CNTNAP2: variants seen among roughly 807,000 people sequenced by gnomAD.
CNTNAP2 encodes contactin-associated protein-like 2.
Under a neutral mutation model 155.2 loss-of-function variants are expected in CNTNAP2, and 98 were observed. That is an observed-to-expected ratio of 0.63 (90% CI 0.54 to 0.75). CNTNAP2 has a LOEUF of 0.75. Ranked by LOEUF, CNTNAP2 falls within the 30% of genes least tolerant of loss-of-function variation. CNTNAP2 has a pLI of 0.00. For missense variants in CNTNAP2, 1,727 were observed against 1,688.1 expected (o/e 1.02, Z -0.40); for synonymous variants, 651 against 631.2 (o/e 1.03, Z -0.47).
intron 9 of CNTNAP2, among the ~76,000 whole-genome samples, chr7:147,347,100 A>G (rs548902792): frequency 1.4e-4 from 22 of 152,266 alleles, no homozygotes; most frequent in Admixed American, 1.1e-3. Context: ...CTAGGGTAAA[A>G]TTATCTTATC....
At chr7:146,461,727 A>G (rs79835976) in intron 1 of CNTNAP2, among the ~76,000 whole-genome samples, 4,157 of 152,256 alleles carry the variant, frequency 0.027, 138 homozygotes, top group African/African-American at 0.073. Flanking sequence ...AATAGGATTC[A>G]GTACCTGTCT....
intron 13 of CNTNAP2, among the ~76,000 whole-genome samples, chr7:147,693,839 T>C (rs1043535706): frequency 6.6e-6 from 1 of 152,040 alleles, no homozygotes; most frequent in African/African-American, 2.4e-5. Flanking sequence ...TTTCTTTTAT[T>C]TTCTTGTCTT....
intron 3 of CNTNAP2, among the ~76,000 whole-genome samples, chr7:146,904,612 C>T (rs1422442860): frequency 6.6e-6 from 1 of 152,132 alleles, no homozygotes; most frequent in East Asian, 1.9e-4. Flanking sequence ...GCTGGGACTA[C>T]AGGCACCCGC....
chr7:147,311,970 A>G (rs1795135881), intron 9 of CNTNAP2, among the ~76,000 whole-genome samples: 1 of 151,990 alleles, frequency 6.6e-6, no homozygotes. Flanking sequence ...TAATTATTAA[A>G]TTTATTATTA....
intron 8 of CNTNAP2, among the ~76,000 whole-genome samples, chr7:147,296,741 A>G (rs545964581): frequency 6.6e-6 from 1 of 152,140 alleles, no homozygotes; most frequent in Admixed American, 6.5e-5. Context: ...AATAAATGCA[A>G]TCTGGGAGAG....
chr7:148,094,157 G>T lies in CNTNAP2; in HGVS notation c.2384-23961G>T, dbSNP rs987845620. On this transcript the variant is annotated intron_variant, in intron 15 of 23. Coordinates refer to ENST00000361727, the MANE Select transcript of CNTNAP2 (RefSeq NM_014141.6). ...GACTTTCTCTGAAGTCCCTCCTACT[G>T]CCCATGGGGACTTGAACAAGTTACT... Among the ~76,000 whole-genome samples, 6 of 152,290 alleles carry T rather than the reference G, an allele frequency of 3.9e-5. No homozygotes were observed. In the South Asian group the frequency reaches 1.2e-3, roughly 32 times the overall value.
chr7:146,856,073 A>G (rs1794975730), intron 3 of CNTNAP2, among the ~76,000 whole-genome samples: 1 of 70,514 alleles, frequency 1.4e-5, no homozygotes, highest in African/African-American at 9.9e-5. Context: ...GAAAGGAAAA[A>G]TGATGGTTAA....
At chr7:146,666,009 C>T (rs1281402733) in intron 1 of CNTNAP2, among the ~76,000 whole-genome samples, 12 of 151,698 alleles carry the variant, frequency 7.9e-5, no homozygotes, top group Admixed American at 7.2e-4. Flanking sequence ...ATTCAATATC[C>T]CCCTTTTAGC....
chr7:147,909,779 A>T (rs1226977230), intron 14 of CNTNAP2, among the ~76,000 whole-genome samples: 1 of 152,206 alleles, frequency 6.6e-6, no homozygotes, highest in Non-Finnish European at 1.5e-5. Flanking sequence ...ATTGCCATTC[A>T]TTGCGTGAGT....
At chr7:147,176,141 G>C (rs2116487745) in intron 8 of CNTNAP2, among the ~76,000 whole-genome samples, 1 of 152,296 alleles carries the variant, frequency 6.6e-6, no homozygotes, top group African/African-American at 2.4e-5. Context: ...TAATGATTCG[G>C]TTTAATGAGG....
At chr7:146,931,569 C>G (rs1169097102) in intron 3 of CNTNAP2, among the ~76,000 whole-genome samples, 1 of 150,354 alleles carries the variant, frequency 6.7e-6, no homozygotes, top group African/African-American at 2.5e-5. Flanking sequence ...TAGCAGAAGG[C>G]AAGAAATAAC....
intron 13 of CNTNAP2, among the ~76,000 whole-genome samples, chr7:147,860,688 A>G (rs1456651614): frequency 1.3e-5 from 2 of 151,562 alleles, no homozygotes; most frequent in Non-Finnish European, 2.9e-5. Flanking sequence ...TACTTCTGCC[A>G]TGACTGTAAA....
Position 147,402,056 on chromosome 7 carries a change from A to G in CNTNAP2, c.1670+6276A>G, listed in dbSNP as rs549823232. Among the ~76,000 whole-genome samples, 3 of 152,356 alleles carry G rather than the reference A, an allele frequency of 2.0e-5. No individual in the cohort carries two copies. The South Asian group carries it at 6.2e-4, about 32-fold the overall frequency. On this transcript the variant is annotated intron_variant, in intron 10 of 23. Transcript: ENST00000361727. ...TTCTAAAATTTGTCTTCATTCGCTA[A>G]TTCCCTATTTCTAGTCAGTAGCAGA... is the stretch of plus-strand genomic sequence containing the variant.
chr7:148,131,054 G>T (rs1419496682), intron 16 of CNTNAP2, among the ~76,000 whole-genome samples: 1 of 142,274 alleles, frequency 7.0e-6, no homozygotes, highest in African/African-American at 2.6e-5. Flanking sequence ...TCACTCTCTT[G>T]GATTCTAACG....
Position 148,311,491 on chromosome 7 carries a change from T to G in CNTNAP2, c.3475+44365T>G, listed in dbSNP as rs1351741207. On this transcript the variant is annotated intron_variant, in intron 21 of 23. Coordinates refer to ENST00000361727, the MANE Select transcript of CNTNAP2 (RefSeq NM_014141.6). ...TGAGTATAAAAGTAAAGAATAGAAC[T>G]TCGTCAGGGTGAAAGTACTGGAGGG... is the stretch of plus-strand genomic sequence containing the variant. Among the ~76,000 whole-genome samples the G allele has an allele frequency of 8.5e-5, 13 of 152,188 alleles. No homozygotes were observed. The East Asian group carries it at 2.3e-3, about 27-fold the overall frequency.
At chr7:146,964,818 G>A (rs1331806061) in intron 3 of CNTNAP2, among the ~76,000 whole-genome samples, 1 of 152,070 alleles carries the variant, frequency 6.6e-6, no homozygotes, top group Admixed American at 6.5e-5. Context: ...CATGAAAGCA[G>A]CCATGGACAA....
chr7:147,914,185 G>T (rs1488805336), intron 14 of CNTNAP2, among the ~76,000 whole-genome samples: 1 of 152,050 alleles, frequency 6.6e-6, no homozygotes, highest in Non-Finnish European at 1.5e-5. Context: ...CAAGATGAAA[G>T]TGAAAAAAGC....
intron 1 of CNTNAP2, among the ~76,000 whole-genome samples, chr7:146,636,688 A>G (rs2129160084): frequency 6.6e-6 from 1 of 152,306 alleles, no homozygotes; most frequent in South Asian, 2.1e-4. Flanking sequence ...ATTTGTAGAG[A>G]GCATTTCGTT....
intron 10 of CNTNAP2, among the ~76,000 whole-genome samples, chr7:147,430,583 G>C (rs1415656345): frequency 6.6e-6 from 1 of 152,144 alleles, no homozygotes; most frequent in East Asian, 1.9e-4. Context: ...TCTTTGCCAG[G>C]CACCACCCAC....
Sources: gnomAD v4.1 joint callset for allele counts (sites outside exome capture counted in the v4.1 genomes callset) on GRCh38, gnomAD v4.1.1 for gene constraint, MANE v1.5 for transcripts, NCBI Gene and HGNC (gene_info 2026-07-23, HGNC 2026-07-21) for gene names.